The following UBAP2 variants were observed in gnomAD, a reference collection of about 807,000 sequenced individuals.
UBAP2 encodes the protein ubiquitin-associated protein 2.
In UBAP2, 75 loss-of-function variants were observed where a neutral mutation model predicts 139.6. The observed-to-expected ratio is 0.54, with a 90% confidence interval of 0.45 to 0.65. UBAP2 has a LOEUF of 0.65. Ranked by LOEUF, UBAP2 falls within the 30% of genes least tolerant of loss-of-function variation. The pLI is 0.00. For missense variants in UBAP2, 1,368 were observed against 1,369.6 expected (o/e 1.00, Z 0.02); for synonymous variants, 526 against 526.2 (o/e 1.00, Z 0.01).
At chr9:34,044,967 G>C (rs942110641) in intron 1 of UBAP2, among the ~76,000 whole-genome samples, 3 of 149,590 alleles carry the variant, frequency 2.0e-5, no homozygotes, top group Non-Finnish European at 4.4e-5. Flanking sequence ...AATCCAAATA[G>C]TTAACTGGAT....
intron 2 of UBAP2, among the ~76,000 whole-genome samples, chr9:34,002,352 T>C (rs932113228): frequency 3.3e-5 from 5 of 150,576 alleles, no homozygotes; most frequent in African/African-American, 4.9e-5. Context: ...CGTTTAATGC[T>C]ACATGACAAT....
intron 2 of UBAP2, among the ~76,000 whole-genome samples, chr9:34,004,899 A>T (rs912857056): frequency 6.6e-6 from 1 of 151,832 alleles, no homozygotes; most frequent in African/African-American, 2.4e-5. Flanking sequence ...TGGGCAACAT[A>T]GTGAGACCCC....
chr9:34,035,514 A>AAAATATATAT, intron 1 of UBAP2, among the ~76,000 whole-genome samples: 6,596 of 22,726 alleles, frequency 0.29, 1,672 homozygotes, highest in Middle Eastern at 0.56. Context: ...AAAAAAAAAA[A>AAAATATATAT]ATATATATAT....
At chr9:34,040,725 T>C (rs1200371624) in intron 1 of UBAP2, among the ~76,000 whole-genome samples, 1 of 152,244 alleles carries the variant, frequency 6.6e-6, no homozygotes, top group East Asian at 1.9e-4. Flanking sequence ...TGTAGAACTC[T>C]TAAACCACTC....
chr9:34,031,299 G>C (rs1001600606), intron 1 of UBAP2, among the ~76,000 whole-genome samples: 4 of 150,352 alleles, frequency 2.7e-5, no homozygotes, highest in African/African-American at 9.8e-5. Flanking sequence ...AAAAAGGCCA[G>C]CTTGGCCAAC....
chr9:34,024,205 G>A (rs1329363900), intron 1 of UBAP2, among the ~76,000 whole-genome samples: 1 of 152,006 alleles, frequency 6.6e-6, no homozygotes, highest in African/African-American at 2.4e-5. Context: ...AGCCGGGCGT[G>A]GGGGCACATG....
chr9:33,989,925 T>C (rs907575759), intron 4 of UBAP2, among the ~76,000 whole-genome samples: 1 of 152,176 alleles, frequency 6.6e-6, no homozygotes, highest in Non-Finnish European at 1.5e-5. Flanking sequence ...TTGGTTTTGG[T>C]GGGTTTTTAA....
chr9:33,996,159 G>A (rs1057056130), intron 4 of UBAP2, 64 bp downstream of exon 4: 32 of 1,284,390 alleles, frequency 2.5e-5, no homozygotes, highest in Middle Eastern at 3.7e-4. Context: ...ACAAGGTGAA[G>A]TTGAAAATGT....
At chr9:34,036,522 C>A (rs1425447786) in intron 1 of UBAP2, among the ~76,000 whole-genome samples, 1 of 152,116 alleles carries the variant, frequency 6.6e-6, no homozygotes, top group Admixed American at 6.6e-5. Context: ...ATGCTTTTCT[C>A]TGTCACAGGC....
chr9:34,034,903 C>T (rs760961521), intron 1 of UBAP2, among the ~76,000 whole-genome samples: 2 of 151,554 alleles, frequency 1.3e-5, no homozygotes, highest in East Asian at 3.9e-4. Flanking sequence ...AAAAACGAAT[C>T]GCTCAACTGT....
intron 20 of UBAP2, 104 bp from the exon 21 acceptor site, chr9:33,927,184 G>A (rs1418976976): frequency 3.7e-6 from 3 of 820,260 alleles, no homozygotes; most frequent in Middle Eastern, 2.3e-4. Context: ...CCCCAGATGG[G>A]TTCAAAGAAG....
chr9:34,004,852 C>T (rs1025699155), intron 2 of UBAP2, among the ~76,000 whole-genome samples: 12 of 152,056 alleles, frequency 7.9e-5, no homozygotes, highest in African/African-American at 2.9e-4. Context: ...CCTATAATCC[C>T]AGCACTTTGG....
At chr9:34,040,898 GAAC>G (rs1470988708) in intron 1 of UBAP2, among the ~76,000 whole-genome samples, 1 of 152,126 alleles carries the variant, frequency 6.6e-6, no homozygotes, top group Non-Finnish European at 1.5e-5. Context: ...ACAAGCCTGA[GAAC>G]AACTGTGCAA....
At chr9:33,959,777 G>C (rs752319148) in intron 10 of UBAP2, among the ~76,000 whole-genome samples, 1 of 152,120 alleles carries the variant, frequency 6.6e-6, no homozygotes, top group Admixed American at 6.5e-5. Flanking sequence ...AACTTATTCA[G>C]GTTAATTTCA....
intron 1 of UBAP2, among the ~76,000 whole-genome samples, chr9:34,019,830 A>C (rs1272166828): frequency 6.6e-6 from 1 of 151,966 alleles, no homozygotes; most frequent in African/African-American, 2.4e-5. Flanking sequence ...TATGCAAACA[A>C]TTCCACTCTT....
intron 8 of UBAP2, chr9:33,968,107 G>T: frequency 2.0e-6 from 1 of 500,602 alleles, no homozygotes; most frequent in South Asian, 1.7e-5. Flanking sequence ...ACATTCTCAT[G>T]AATACTCTAG....
Position 33,935,665 on chromosome 9 carries a change from G to C in UBAP2, c.1969+174C>G, listed in dbSNP as rs151027666. 4.1e-3 allele frequency: 2,884 copies of C among 706,672 alleles called. 37 individuals carry two copies. The highest frequency in any genetic ancestry group is 0.022 in the South Asian group (1,365 of 62,050). 43.8% of individuals were successfully genotyped at this position (706,672 alleles called of 1,614,324 possible). The stretch of plus-strand genomic sequence containing the variant: ...ACCACCTCCTTCTTGCTGTGGTTAA[G>C]ACATTTCTAATAACACCACAGCCAA... On this transcript the variant is annotated intron_variant, in intron 17 of 28. Coordinates refer to ENST00000379238, the MANE Select transcript of UBAP2 (RefSeq NM_001370062.2).
At chr9:34,035,220 C>A (rs527517569) in intron 1 of UBAP2, among the ~76,000 whole-genome samples, 1 of 151,342 alleles carries the variant, frequency 6.6e-6, no homozygotes, top group African/African-American at 2.4e-5. Context: ...ACATTTCATA[C>A]GGCTAGGCGC....
chr9:34,028,835 T>C (rs932011311), intron 1 of UBAP2, among the ~76,000 whole-genome samples: 3 of 151,920 alleles, frequency 2.0e-5, no homozygotes, highest in African/African-American at 7.2e-5. Flanking sequence ...GCCTATACTA[T>C]AAAGCAGGGA....
Sources: gnomAD v4.1 joint callset for allele counts (sites outside exome capture counted in the v4.1 genomes callset) on GRCh38, gnomAD v4.1.1 for gene constraint, MANE v1.5 for transcripts, NCBI Gene and HGNC (gene_info 2026-07-23, HGNC 2026-07-21) for gene names.